NXPH1: variants seen among roughly 807,000 people sequenced by gnomAD.
NXPH1 encodes neurexophilin-1.
NXPH1 carries 5 observed loss-of-function variants against 23.7 expected under a neutral mutation model. That is an observed-to-expected ratio of 0.21 (90% CI 0.11 to 0.44). NXPH1 has a LOEUF of 0.44. Among genes scored for constraint, NXPH1 ranks in the 20% least tolerant of loss-of-function variants. The pLI is 0.99. For missense variants in NXPH1, 324 were observed against 321.6 expected (o/e 1.01, Z -0.06); for synonymous variants, 144 against 122.2 (o/e 1.18, Z -1.18).
intron 2 of NXPH1, among the ~76,000 whole-genome samples, chr7:8,680,297 G>A (rs1383586554): frequency 1.3e-5 from 2 of 152,220 alleles, no homozygotes; most frequent in African/African-American, 2.4e-5. Context: ...GGGATAGTTT[G>A]TTTCAGATGG....
chr7:8,538,370 C>T (rs1414806367), intron 2 of NXPH1, among the ~76,000 whole-genome samples: 1 of 151,832 alleles, frequency 6.6e-6, no homozygotes, highest in Non-Finnish European at 1.5e-5. Flanking sequence ...GGAGATAATA[C>T]AGTGAAATAG....
At chr7:8,520,920 G>A (rs185857979) in intron 2 of NXPH1, among the ~76,000 whole-genome samples, 34 of 152,252 alleles carry the variant, frequency 2.2e-4, no homozygotes, top group African/African-American at 8.2e-4. Flanking sequence ...GCATTCACAT[G>A]CAGTTGATTG....
At chr7:8,732,366 G>C (rs146721623) in intron 2 of NXPH1, among the ~76,000 whole-genome samples, 21 of 152,094 alleles carry the variant, frequency 1.4e-4, no homozygotes, top group African/African-American at 4.8e-4. Flanking sequence ...TGGCTCCTTC[G>C]CCTTCGTTTG....
chr7:8,488,940 T>G (rs548706609), intron 2 of NXPH1, among the ~76,000 whole-genome samples: 1 of 152,126 alleles, frequency 6.6e-6, no homozygotes, highest in African/African-American at 2.4e-5. Context: ...AACAACTCTG[T>G]TTTGAATTCT....
chr7:8,726,274 TTTTTC>T (rs1268278017), intron 2 of NXPH1, among the ~76,000 whole-genome samples: 1 of 151,724 alleles, frequency 6.6e-6, no homozygotes, highest in Non-Finnish European at 1.5e-5. Context: ...CGTTTGCTTC[TTTTTC>T]TTTTTTTTTT....
At chr7:8,646,816 T>C (rs1048642946) in intron 2 of NXPH1, among the ~76,000 whole-genome samples, 1 of 152,062 alleles carries the variant, frequency 6.6e-6, no homozygotes, top group African/African-American at 2.4e-5. Context: ...TATTTTTAAA[T>C]AAGGTTTACT....
At chr7:8,601,341 G>C (rs1819354617) in intron 2 of NXPH1, among the ~76,000 whole-genome samples, 1 of 151,998 alleles carries the variant, frequency 6.6e-6, no homozygotes, top group African/African-American at 2.4e-5. Flanking sequence ...AGACTAAGAG[G>C]AAGTGAAAGA....
intron 2 of NXPH1, among the ~76,000 whole-genome samples, chr7:8,507,158 G>C (rs988393186): frequency 4.6e-5 from 7 of 151,648 alleles, no homozygotes; most frequent in African/African-American, 1.5e-4. Context: ...GGATGAAATT[G>C]ATTGGGTTTA....
At chr7:8,600,667 G>T (rs778433769) in intron 2 of NXPH1, among the ~76,000 whole-genome samples, 2 of 152,170 alleles carry the variant, frequency 1.3e-5, no homozygotes, top group Non-Finnish European at 2.9e-5. Flanking sequence ...TAAGCCACTT[G>T]CCTTCATTGA....
At chr7:8,643,421 T>C (rs1820348510) in intron 2 of NXPH1, among the ~76,000 whole-genome samples, 1 of 152,222 alleles carries the variant, frequency 6.6e-6, no homozygotes, top group South Asian at 2.1e-4. Context: ...ATGAATATTC[T>C]CAAAATAGGT....
intron 2 of NXPH1, among the ~76,000 whole-genome samples, chr7:8,623,240 G>T (rs145257978): frequency 6.6e-6 from 1 of 152,064 alleles, no homozygotes. Context: ...TCTGGGAGAC[G>T]AATTAAAACA....
intron 2 of NXPH1, among the ~76,000 whole-genome samples, chr7:8,518,478 A>C (rs1156626214): frequency 2.0e-5 from 3 of 152,142 alleles, no homozygotes; most frequent in African/African-American, 7.2e-5. Flanking sequence ...TTTATTTCCT[A>C]GCTCCAAGTA....
intron 2 of NXPH1, among the ~76,000 whole-genome samples, chr7:8,713,584 C>T (rs930140844): frequency 9.9e-5 from 15 of 152,122 alleles, no homozygotes; most frequent in African/African-American, 2.9e-4. Context: ...TGTTTTTACC[C>T]GTCCTTCTTG....
intron 2 of NXPH1, among the ~76,000 whole-genome samples, chr7:8,646,389 A>G (rs1272493957): frequency 6.6e-6 from 1 of 152,146 alleles, no homozygotes; most frequent in Non-Finnish European, 1.5e-5. Context: ...TTCATGCTTT[A>G]TCTGTCCACA....
intron 2 of NXPH1, among the ~76,000 whole-genome samples, chr7:8,517,718 G>A (rs1817708429): frequency 1.3e-5 from 2 of 152,122 alleles, no homozygotes; most frequent in Non-Finnish European, 2.9e-5. Context: ...CGGAGGTCAG[G>A]GAAGTGGGGA....
At chr7:8,593,862 C>G (rs1403203995) in intron 2 of NXPH1, among the ~76,000 whole-genome samples, 2 of 151,936 alleles carry the variant, frequency 1.3e-5, no homozygotes, top group Non-Finnish European at 2.9e-5. Flanking sequence ...CCAAAATGTA[C>G]CTTGGTTTGG....
intron 2 of NXPH1, among the ~76,000 whole-genome samples, chr7:8,504,772 G>A (rs181826399): frequency 6.6e-6 from 1 of 152,152 alleles, no homozygotes; most frequent in East Asian, 1.9e-4. Flanking sequence ...TTCAAAAACA[G>A]ACATGAAAGC....
intron 2 of NXPH1, among the ~76,000 whole-genome samples, chr7:8,537,998 A>G (rs994248141): frequency 3.9e-5 from 6 of 151,932 alleles, no homozygotes; most frequent in Admixed American, 6.6e-5. Flanking sequence ...AAGGCTACCA[A>G]TGATAGTAAC....
At chr7:8,509,627 G>A (rs1245929745) in intron 2 of NXPH1, among the ~76,000 whole-genome samples, 1 of 152,058 alleles carries the variant, frequency 6.6e-6, no homozygotes, top group Non-Finnish European at 1.5e-5. Flanking sequence ...AGGATCTACA[G>A]TGGGCAGAAG....
Sources: allele counts gnomAD v4.1 joint callset (sites outside exome capture counted in the v4.1 genomes callset), GRCh38; gene constraint gnomAD v4.1.1; transcripts MANE v1.5; gene names NCBI Gene and HGNC (gene_info 2026-07-23, HGNC 2026-07-21).